ATP9B: variants seen among roughly 807,000 people sequenced by gnomAD.
ATP9B encodes the protein probable phospholipid-transporting ATPase IIB.
In ATP9B, 110 loss-of-function variants were observed where a neutral mutation model predicts 146.1. That is an observed-to-expected ratio of 0.75 (90% CI 0.65 to 0.88). The LOEUF (loss-of-function observed/expected upper bound fraction) is 0.88. Ranked by LOEUF, ATP9B falls within the 40% of genes least tolerant of loss-of-function variation. The pLI is 0.00. For synonymous variants in ATP9B, 604 were observed against 569.7 expected (o/e 1.06, Z -0.86); for missense variants, 1,499 against 1,496.4 (o/e 1.00, Z -0.03).
rs974711986 is a variant in ATP9B at position 79,377,729 on chromosome 18, G to C, written c.*346G>C. The C allele has an allele frequency of 2.0e-5, 5 of 248,888 alleles. No homozygotes were observed. Among genetic ancestry groups the C allele is most frequent in the African/African-American group, 6.9e-5 (3 of 43,216 alleles). The allele number at this position is 248,888 out of a possible 1,614,324, so 15.4% of individuals were successfully genotyped here. A position where few individuals can be genotyped will look rare whatever the true frequency, so the allele number is the denominator to read the frequency against. On this transcript the variant is annotated 3_prime_UTR_variant, in exon 30 of 30. Transcript: ENST00000426216. ...CTGCCAGGCAAGCCCAGGGCACAGA[G>C]GCCGGGACGGCCTCTCCCTCTCAGT...
chr18:79,327,883 G>A lies in ATP9B; in HGVS notation c.1774-1258G>A, dbSNP rs1371717825. 8.7e-5 allele frequency among the ~76,000 whole-genome samples: 11 copies of A among 125,760 alleles called. 2 individuals carry two copies. Among genetic ancestry groups the A allele is most frequent in the African/African-American group, 3.6e-4 (11 of 30,640 alleles). The allele number at this position is 125,760 out of a possible 152,430, so 82.5% of individuals were successfully genotyped here. A position where few individuals can be genotyped will look rare whatever the true frequency, so the allele number is the denominator to read the frequency against. On this transcript the variant is annotated intron_variant, in intron 15 of 29. Coordinates refer to ENST00000426216, the MANE Select transcript of ATP9B (RefSeq NM_198531.5). ...GGTTAGCGTGCTCTCCATGGATAGTGTGCTCTCCGTGGTTAGCGTGCTCTC... is the reference window on the plus strand; with the variant it reads ...GGTTAGCGTGCTCTCCATGGATAGTATGCTCTCCGTGGTTAGCGTGCTCTC...
chr18:79,118,349 A>ATAC (rs1382822903), intron 4 of ATP9B, among the ~76,000 whole-genome samples: 1 of 149,446 alleles, frequency 6.7e-6, no homozygotes, highest in Non-Finnish European at 1.5e-5. Flanking sequence ...ACAGAGAAAA[A>ATAC]TACTTGCTCA....
At chr18:79,203,889 T>G (rs1321331067) in intron 9 of ATP9B, among the ~76,000 whole-genome samples, 8 of 152,346 alleles carry the variant, frequency 5.3e-5, no homozygotes, top group Admixed American at 5.2e-4. Context: ...ATATCTTTTT[T>G]TTGTTTCTTC....
intron 8 of ATP9B, among the ~76,000 whole-genome samples, chr18:79,184,495 G>C (rs1441158289): frequency 6.6e-6 from 1 of 151,666 alleles, no homozygotes. Context: ...TTTTCGACTT[G>C]CTTTTGGTTT....
chr18:79,162,495 A>G (rs914362622), intron 7 of ATP9B, among the ~76,000 whole-genome samples: 2 of 152,192 alleles, frequency 1.3e-5, no homozygotes, highest in African/African-American at 2.4e-5. Context: ...ATAAATGTCA[A>G]TATCTTTTTC....
In ATP9B at chr18:79,344,277, G is replaced by A. The variant is rs777341266; in HGVS notation, c.2395G>A (p.Gly799Arg). 6.2e-7 allele frequency: 1 copy of A among 1,614,180 alleles called. No homozygotes were observed. Residue 799 changes from glycine to arginine, a missense_variant, in exon 21 of 30, where the codon GGA becomes AGA. Gly to Arg is a moderately radical substitution (Grantham distance 125). Transcript: ENST00000426216. The stretch of plus-strand genomic sequence containing the variant: ...TCCCTTAATGGAGGTAACCAGTCGG[G>A]GAGAGGCACATTTGGAGCTGAATGC... ...IHIFRQVTSR[G>R]EAHLELNAFR...
At chr18:79,120,518 A>G (rs2147119646) in intron 4 of ATP9B, among the ~76,000 whole-genome samples, 1 of 152,308 alleles carries the variant, frequency 6.6e-6, no homozygotes, top group African/African-American at 2.4e-5. Context: ...TATACTTCCC[A>G]TATAATAGAA....
intron 25 of ATP9B, chr18:79,354,227 G>C (rs919702928): frequency 3.3e-5 from 5 of 152,106 alleles, no homozygotes; most frequent in Non-Finnish European, 7.3e-5. Flanking sequence ...TTCCCAACTT[G>C]AGATAACTAT....
intron 26 of ATP9B, among the ~76,000 whole-genome samples, chr18:79,366,330 G>A (rs2097028900): frequency 6.6e-6 from 1 of 152,244 alleles, no homozygotes; most frequent in South Asian, 2.1e-4. Context: ...GCAGACAGCG[G>A]CCCATGAACC....
chr18:79,096,575 A>G lies in ATP9B; in HGVS notation c.219A>G (p.Pro73=), dbSNP rs747928553. Residue 73 remains proline, a synonymous_variant, in exon 2 of 30, where the codon CCA becomes CCG. Transcript: ENST00000426216. ...ENEESDYHTL[P]RARIMQRKRG... ...AGGAAAGTGATTACCACACCTTACC[A>G]CGAGCCAGGATAATGCAAAGGAAAA... The G allele has an allele frequency of 6.2e-7, 1 of 1,613,992 alleles. No homozygotes were observed. The highest frequency in any genetic ancestry group is 1.3e-5 in the African/African-American group (1 of 74,928).
chr18:79,129,726 A>G (rs2094346134), intron 5 of ATP9B, among the ~76,000 whole-genome samples: 1 of 152,064 alleles, frequency 6.6e-6, no homozygotes, highest in Admixed American at 6.6e-5. Flanking sequence ...CCAGATTATA[A>G]TGTATGTCCA....
chr18:79,203,990 A>G (rs912610693), intron 9 of ATP9B, among the ~76,000 whole-genome samples: 6 of 152,268 alleles, frequency 3.9e-5, no homozygotes, highest in Admixed American at 1.3e-4. Context: ...TCAATTACAA[A>G]GTAGTCTAAT....
chr18:79,235,098 C>G (rs1292306782), intron 11 of ATP9B, among the ~76,000 whole-genome samples: 6 of 152,128 alleles, frequency 3.9e-5, no homozygotes. Context: ...GTCTCGAACT[C>G]CTAACCTCAG....
chr18:79,282,513 A>AAT lies in ATP9B; in HGVS notation c.1411+5318_1411+5319insTA, dbSNP rs903282428. ...AGACCCTCTACCAGCAAAAAGATTA[A>AAT]AAGTTGCTGAAGGCTCAGATGATTG... On this transcript the variant is annotated intron_variant, in intron 13 of 29. Transcript: ENST00000426216. 6.2e-4 allele frequency among the ~76,000 whole-genome samples: 94 copies of AAT among 152,348 alleles called. 1 individual carries two copies. Among genetic ancestry groups the AAT allele is most frequent in the African/African-American group, 2.2e-3 (92 of 41,574 alleles).
At chr18:79,343,495 TTTACTC>T (rs1206051747) in intron 20 of ATP9B, among the ~76,000 whole-genome samples, 6 of 152,340 alleles carry the variant, frequency 3.9e-5, no homozygotes, top group African/African-American at 1.4e-4. Context: ...ATGACTTACT[TTTACTC>T]TTTTAGGTTT....
At chr18:79,146,889 C>A (rs370081038) in intron 6 of ATP9B, 2 of 152,370 alleles carry the variant, frequency 1.3e-5, no homozygotes, top group Admixed American at 6.5e-5. Context: ...GACGTACGTT[C>A]TAATGGTCTA....
chr18:79,169,417 A>C (rs1312860928), intron 7 of ATP9B, among the ~76,000 whole-genome samples: 2 of 152,162 alleles, frequency 1.3e-5, no homozygotes, highest in African/African-American at 4.8e-5. Flanking sequence ...TTGGTGAAAT[A>C]TGTGGGAGCT....
intron 11 of ATP9B, among the ~76,000 whole-genome samples, chr18:79,216,957 C>T (rs568104714): frequency 1.3e-5 from 2 of 152,280 alleles, no homozygotes; most frequent in Admixed American, 6.5e-5. Context: ...GGTTCTAGCT[C>T]CAGCTTGGAG....
chr18:79,213,952 GT>G lies in ATP9B; in HGVS notation c.1031-5del, dbSNP rs1568419435. The G allele has an allele frequency of 1.3e-6, 2 of 1,585,532 alleles. No homozygotes were observed. On this transcript the variant is annotated splice_polypyrimidine_tract_variant and intron_variant, in intron 10 of 29. Transcript: ENST00000426216. ...GTATTTCTACAAGGACCACTTTCAT[GT>G]TTTTGCAGGTACTGTAATAGGTGTT...
Sources: allele counts gnomAD v4.1 joint callset (sites outside exome capture counted in the v4.1 genomes callset), GRCh38; gene constraint gnomAD v4.1.1; transcripts MANE v1.5; gene names NCBI Gene and HGNC (gene_info 2026-07-23, HGNC 2026-07-21).